The following CAPZB variants were observed in gnomAD, a reference collection of about 807,000 sequenced individuals.
CAPZB encodes F-actin-capping protein subunit beta.
Under a neutral mutation model 38.1 loss-of-function variants are expected in CAPZB, and 2 were observed. The observed-to-expected ratio is 0.05, with a 90% confidence interval of 0.02 to 0.17. The LOEUF (loss-of-function observed/expected upper bound fraction) is 0.17, where lower values mean the gene tolerates loss of function less well. Among genes scored for constraint, CAPZB ranks in the 10% least tolerant of loss-of-function variants. CAPZB has a pLI of 1.00. For synonymous variants in CAPZB, 107 were observed against 127.4 expected (o/e 0.84, Z 1.08); for missense variants, 161 against 334.2 (o/e 0.48, Z 4.04).
chr1:19,385,010 A>G (rs2094195956), intron 3 of CAPZB, among the ~76,000 whole-genome samples: 1 of 152,126 alleles, frequency 6.6e-6, no homozygotes, highest in African/African-American at 2.4e-5. Context: ...ACTAATGTCA[A>G]CTTAGTTATT....
intron 2 of CAPZB, among the ~76,000 whole-genome samples, chr1:19,404,199 C>G (rs1407548755): frequency 7.1e-6 from 1 of 139,966 alleles, no homozygotes; most frequent in Non-Finnish European, 1.5e-5. Flanking sequence ...TACAACTGCA[C>G]TCCAGCCTGG....
chr1:19,368,500 A>AGG, intron 4 of CAPZB, among the ~76,000 whole-genome samples: 1 of 149,978 alleles, frequency 6.7e-6, no homozygotes, highest in African/African-American at 2.5e-5. Context: ...TCTTGGAAAA[A>AGG]AAAAAAAAAA....
At chr1:19,342,837 T>G (rs776500276) in intron 8 of CAPZB, 1 of 1,611,048 alleles carries the variant, frequency 6.2e-7, no homozygotes, top group East Asian at 2.2e-5. Flanking sequence ...GCTTAAACTT[T>G]TGGTTGTCAG....
At chr1:19,449,981 A>T (rs77511469) in intron 1 of CAPZB, among the ~76,000 whole-genome samples, 8,716 of 151,524 alleles carry the variant, frequency 0.058, 370 homozygotes, top group East Asian at 0.13. Flanking sequence ...GTCTCTACAA[A>T]TAATTAAAAA....
chr1:19,404,269 C>T (rs111280899), intron 2 of CAPZB, among the ~76,000 whole-genome samples: 7,254 of 143,246 alleles, frequency 0.051, 630 homozygotes, highest in African/African-American at 0.18. Flanking sequence ...TATGGCTGGG[C>T]GCAGTGGCTC....
At chr1:19,482,412 G>A (rs1366116350) in intron 1 of CAPZB, among the ~76,000 whole-genome samples, 1 of 152,222 alleles carries the variant, frequency 6.6e-6, no homozygotes, top group Non-Finnish European at 1.5e-5. Flanking sequence ...ATCAGCTCCT[G>A]CCAGGCAAAA....
intron 3 of CAPZB, among the ~76,000 whole-genome samples, chr1:19,381,242 C>A (rs1000788165): frequency 1.2e-4 from 18 of 151,834 alleles, no homozygotes; most frequent in African/African-American, 4.4e-4. Flanking sequence ...AATAAAAAAG[C>A]ATGAATTCTT....
chr1:19,366,305 T>TATATATATATATATAAAA (rs1396564571), intron 4 of CAPZB, among the ~76,000 whole-genome samples: 6 of 97,580 alleles, frequency 6.1e-5, no homozygotes, highest in Admixed American at 5.0e-4. Context: ...TATATATATA[T>TATATATATATATATAAAA]ATATAAATAA....
chr1:19,383,303 G>A (rs2094185594), intron 3 of CAPZB, among the ~76,000 whole-genome samples: 1 of 151,952 alleles, frequency 6.6e-6, no homozygotes, highest in Non-Finnish European at 1.5e-5. Flanking sequence ...AAGACTAGCT[G>A]GGAGCGATGG....
chr1:19,345,879 G>A (rs1336200550), intron 6 of CAPZB, among the ~76,000 whole-genome samples: 1 of 152,236 alleles, frequency 6.6e-6, no homozygotes, highest in African/African-American at 2.4e-5. Flanking sequence ...TACTCTGCGA[G>A]GAGAGTTTGA....
chr1:19,479,492 T>C lies in CAPZB; in HGVS notation c.3+5944A>G, dbSNP rs543888748. Among the ~76,000 whole-genome samples the C allele has an allele frequency of 3.9e-5, 6 of 152,294 alleles. No homozygotes were observed. In the South Asian group the frequency reaches 1.2e-3, roughly 32 times the overall value. ...CTGACCTGAAATAGCTGTGTGTCAATGATAAACTGTCCAATCAGAACACCT... is the reference window on the plus strand; with the variant it reads ...CTGACCTGAAATAGCTGTGTGTCAACGATAAACTGTCCAATCAGAACACCT... On this transcript the variant is annotated intron_variant, in intron 1 of 8. Transcript: ENST00000264202.
rs759584734 is a variant in CAPZB, at chr1:19,344,448, C to T, written c.655-14G>A. 48 of 1,610,972 alleles carry T rather than the reference C, an allele frequency of 3.0e-5. No homozygotes were observed. The highest frequency in any genetic ancestry group is 1.5e-4 in the African/African-American group (11 of 74,874). ...ATTTTCCATGTCCTGGAAGGGAGGT[C>T]GGTCAGCGCAGTGGCAAAAGGTCAG... On this transcript the variant is annotated splice_polypyrimidine_tract_variant and intron_variant, in intron 7 of 8. Coordinates refer to ENST00000264202, the MANE Select transcript of CAPZB (RefSeq NM_004930.5).
chr1:19,349,335 G>A (rs2093979329), intron 6 of CAPZB, among the ~76,000 whole-genome samples: 1 of 152,128 alleles, frequency 6.6e-6, no homozygotes, highest in African/African-American at 2.4e-5. Flanking sequence ...AAGCCTGGGG[G>A]TTGGATGGAA....
At chr1:19,360,272 G>C (rs1375172587) in intron 4 of CAPZB, among the ~76,000 whole-genome samples, 1 of 152,174 alleles carries the variant, frequency 6.6e-6, no homozygotes, top group Non-Finnish European at 1.5e-5. Flanking sequence ...CTAGCACACC[G>C]TTTTCCCTTT....
chr1:19,439,929 C>G (rs1272249830), intron 1 of CAPZB, among the ~76,000 whole-genome samples: 4 of 152,202 alleles, frequency 2.6e-5, no homozygotes, highest in African/African-American at 4.8e-5. Context: ...GCCCTAACAT[C>G]CAGAACCTCA....
intron 1 of CAPZB, among the ~76,000 whole-genome samples, chr1:19,474,644 C>A (rs1418487191): frequency 6.6e-6 from 1 of 152,150 alleles, no homozygotes; most frequent in Admixed American, 6.5e-5. Flanking sequence ...TTTACCAATG[C>A]AAACGGGTTA....
chr1:19,376,393 CTTA>C (rs1330160187), intron 4 of CAPZB, among the ~76,000 whole-genome samples: 2 of 152,306 alleles, frequency 1.3e-5, no homozygotes, highest in East Asian at 3.9e-4. Context: ...TCCCAAGAAG[CTTA>C]CATATAAAAG....
In CAPZB at chr1:19,367,832, C is replaced by T. The variant is rs142372705; in HGVS notation, c.330-10269G>A. Among the ~76,000 whole-genome samples, 287 of 152,264 alleles carry T rather than the reference C, an allele frequency of 1.9e-3. 1 individual carries two copies. Among genetic ancestry groups the T allele is most frequent in the African/African-American group, 6.7e-3 (278 of 41,536 alleles). On this transcript the variant is annotated intron_variant, in intron 4 of 8. Coordinates refer to ENST00000264202, the MANE Select transcript of CAPZB (RefSeq NM_004930.5). ...TTTTTACTTAAAGAAATAATGAAGGCCTCTCTGGAAACAATGGTGCCGCTG... is the reference window on the plus strand; with the variant it reads ...TTTTTACTTAAAGAAATAATGAAGGTCTCTCTGGAAACAATGGTGCCGCTG...
At chr1:19,383,279 G>A (rs2094185493) in intron 3 of CAPZB, among the ~76,000 whole-genome samples, 1 of 151,858 alleles carries the variant, frequency 6.6e-6, no homozygotes, top group Non-Finnish European at 1.5e-5. Flanking sequence ...AACCCTGTCT[G>A]CACTGAAAAT....
Sources: gnomAD v4.1 joint callset for allele counts (sites outside exome capture counted in the v4.1 genomes callset) on GRCh38, gnomAD v4.1.1 for gene constraint, MANE v1.5 for transcripts, NCBI Gene and HGNC (gene_info 2026-07-23, HGNC 2026-07-21) for gene names.